Variants in GRXCR2 observed in about 807,000 individuals in gnomAD.
GRXCR2 encodes glutaredoxin domain-containing cysteine-rich protein 2.
GRXCR2 carries 23 observed loss-of-function variants against 24.8 expected under a neutral mutation model. The ratio of observed to expected loss-of-function variants is 0.93; its 90% CI spans 0.67 to 1.32. The LOEUF is 1.32. Ranked by LOEUF, GRXCR2 falls within the 40% of genes most tolerant of loss-of-function variation. GRXCR2 has a pLI of 0.00. For synonymous variants in GRXCR2, 130 were observed against 116.1 expected (o/e 1.12, Z -0.77); for missense variants, 315 against 303.4 (o/e 1.04, Z -0.28).
chr5:145,864,303 G>A (rs1201003965), intron 2 of GRXCR2, among the ~76,000 whole-genome samples: 3 of 152,130 alleles, frequency 2.0e-5, no homozygotes, highest in Non-Finnish European at 4.4e-5. Flanking sequence ...GGGGCCAAGA[G>A]CATGAGAAAA....
intron 2 of GRXCR2, among the ~76,000 whole-genome samples, chr5:145,892,726 A>G (rs952382479): frequency 7.2e-5 from 11 of 152,180 alleles, no homozygotes; most frequent in African/African-American, 2.2e-4. Flanking sequence ...TTATCCAGGA[A>G]AACTTCCCCA....
downstream of GRXCR2, among the ~76,000 whole-genome samples, chr5:145,857,769 C>A (rs1173445226): frequency 6.6e-6 from 1 of 152,156 alleles, no homozygotes; most frequent in Non-Finnish European, 1.5e-5. Context: ...ACCTGCATAA[C>A]CCCACTAAGG....
chr5:145,890,479 A>C (rs1406295217), intron 2 of GRXCR2, among the ~76,000 whole-genome samples: 1 of 152,214 alleles, frequency 6.6e-6, no homozygotes, highest in East Asian at 1.9e-4. Context: ...CTGAGAGAGA[A>C]GCAGAAAAAG....
upstream of GRXCR2, among the ~76,000 whole-genome samples, chr5:145,877,468 T>C (rs895894903): frequency 6.6e-6 from 1 of 151,876 alleles, no homozygotes; most frequent in Non-Finnish European, 1.5e-5. Context: ...TCCTGCCTCA[T>C]ATGGAAATAA....
chr5:145,875,975 G>A (rs534991597), upstream of GRXCR2, among the ~76,000 whole-genome samples: 155 of 151,990 alleles, frequency 1.0e-3, no homozygotes, highest in Non-Finnish European at 2.0e-3. Context: ...ACCAGCCTGG[G>A]CAACAAAATG....
At chr5:145,925,231 G>A (rs1161002023) in intron 2 of GRXCR2, among the ~76,000 whole-genome samples, 2 of 152,202 alleles carry the variant, frequency 1.3e-5, no homozygotes, top group Non-Finnish European at 2.9e-5. Context: ...TGACTCCAGA[G>A]TGTATGTTCA....
At chr5:145,857,877 C>CT (rs1441253676), downstream of GRXCR2, among the ~76,000 whole-genome samples, 1 of 152,176 alleles carries the variant, frequency 6.6e-6, no homozygotes, top group Admixed American at 6.5e-5. Flanking sequence ...ATTTATGTAT[C>CT]TATCTCCTCC....
chr5:145,879,031 C>T (rs113542058), intron 2 of GRXCR2, among the ~76,000 whole-genome samples: 2,021 of 152,268 alleles, frequency 0.013, 45 homozygotes, highest in African/African-American at 0.046. Context: ...CTTACAAGAA[C>T]TCCAGAAGGA....
chr5:145,901,980 G>A (rs748885837), intron 2 of GRXCR2, among the ~76,000 whole-genome samples: 3 of 152,180 alleles, frequency 2.0e-5, no homozygotes, highest in Non-Finnish European at 4.4e-5. Context: ...ATTTACTCAT[G>A]GTATTCATGG....
intron 2 of GRXCR2, among the ~76,000 whole-genome samples, chr5:145,902,843 TTA>T (rs1757042242): frequency 6.6e-6 from 1 of 152,174 alleles, no homozygotes; most frequent in South Asian, 2.1e-4. Flanking sequence ...TATGCTAAAA[TTA>T]TGTCCATTGT....
upstream of GRXCR2, chr5:145,873,068 A>C: frequency 1.1e-6 from 1 of 909,002 alleles, no homozygotes; most frequent in Non-Finnish European, 1.7e-6. Flanking sequence ...CCTGCATATA[A>C]TTAATTCAAG....
intron 2 of GRXCR2, among the ~76,000 whole-genome samples, chr5:145,922,574 G>C (rs1160998183): frequency 6.6e-6 from 1 of 152,172 alleles, no homozygotes. Flanking sequence ...GTTGTTGAAT[G>C]AATGAGTGAA....
chr5:145,904,662 A>G (rs1019666093), intron 2 of GRXCR2, among the ~76,000 whole-genome samples: 1 of 152,224 alleles, frequency 6.6e-6, no homozygotes, highest in Non-Finnish European at 1.5e-5. Flanking sequence ...GGGGTTGGAC[A>G]GAGTAAGTCA....
intron 1 of GRXCR2, among the ~76,000 whole-genome samples, chr5:145,869,960 T>C (rs1253689949): frequency 6.6e-6 from 1 of 152,212 alleles, no homozygotes; most frequent in South Asian, 2.1e-4. Context: ...CAGGGTTAAC[T>C]AGCTTGTTCG....
At chr5:145,911,171 A>T (rs1227542738) in intron 2 of GRXCR2, among the ~76,000 whole-genome samples, 1 of 152,236 alleles carries the variant, frequency 6.6e-6, no homozygotes, top group South Asian at 2.1e-4. Context: ...ATTAATGAAC[A>T]CATCTATCAG....
intron 1 of GRXCR2, among the ~76,000 whole-genome samples, chr5:145,869,745 G>A (rs111381263): frequency 0.022 from 3,275 of 152,202 alleles, 117 homozygotes; most frequent in African/African-American, 0.074. Flanking sequence ...TTTTAGTAGA[G>A]ACAGGGTTTC....
intron 2 of GRXCR2, among the ~76,000 whole-genome samples, chr5:145,866,149 AAAG>A (rs1385997956): frequency 1.3e-5 from 2 of 149,676 alleles, no homozygotes; most frequent in African/African-American, 5.0e-5. Context: ...AAAAAAAAAA[AAAG>A]AAAGAAAGAA....
At chr5:145,902,776 G>A (rs1242195796) in intron 2 of GRXCR2, among the ~76,000 whole-genome samples, 1 of 152,182 alleles carries the variant, frequency 6.6e-6, no homozygotes, top group Non-Finnish European at 1.5e-5. Flanking sequence ...CAGGCATGAT[G>A]TTCAGTGATT....
chr5:145,879,668 C>T (rs1756671185), intron 2 of GRXCR2, among the ~76,000 whole-genome samples: 1 of 152,124 alleles, frequency 6.6e-6, no homozygotes, highest in Admixed American at 6.5e-5. Context: ...ACAAGGATAT[C>T]CAGGACTTGA....
Sources: gnomAD v4.1 joint callset for allele counts (sites outside exome capture counted in the v4.1 genomes callset) on GRCh38, gnomAD v4.1.1 for gene constraint, MANE v1.5 for transcripts, NCBI Gene and HGNC (gene_info 2026-07-23, HGNC 2026-07-21) for gene names.